Variants in SUMF1 observed in about 807,000 individuals in gnomAD.
SUMF1 encodes the protein sulfatase modifying factor 1, also known as formylglycine-generating enzyme.
A neutral mutation model predicts 47.6 loss-of-function variants in SUMF1; 48 were observed. The observed-to-expected ratio is 1.01, with a 90% CI of 0.80 to 1.28. The LOEUF is 1.28. SUMF1 is among the 50% of genes most tolerant of loss of function. SUMF1 has a pLI of 0.00. For missense variants in SUMF1, 571 were observed against 485.4 expected, an observed-to-expected ratio of 1.18 and a Z score of -1.66; for synonymous variants, 230 against 192.1, an observed-to-expected ratio of 1.20 and a Z score of -1.63.
chr3:4,279,933 A>C (rs959602516), intron 8 of SUMF1, among the ~76,000 whole-genome samples: 9 of 152,322 alleles, frequency 5.9e-5, no homozygotes, highest in Middle Eastern at 3.4e-3. Flanking sequence ...TTGGCTATAT[A>C]GTCAAGCTAA....
At chr3:4,366,690 T>A (rs948813792) in intron 8 of SUMF1, among the ~76,000 whole-genome samples, 1 of 152,242 alleles carries the variant, frequency 6.6e-6, no homozygotes, top group Non-Finnish European at 1.5e-5. Flanking sequence ...AGTAGTTCAA[T>A]CGTCTGAAGC....
chr3:4,195,106 T>C (rs527848521), intron 8 of SUMF1, among the ~76,000 whole-genome samples: 66 of 152,222 alleles, frequency 4.3e-4, no homozygotes, highest in African/African-American at 1.3e-3. Context: ...CTGTTCTCTA[T>C]AGCAAGGAAA....
rs764280676 is a variant in SUMF1 at position 4,392,593 on chromosome 3, ATG to A, written c.955-16206_955-16205del. ...TAAATGTTTATATGTTCAGATATAT[ATG>A]TGTGTGTGTGTGTGTGTGTGTATAT... On this transcript the variant is annotated intron_variant, in intron 7 of 8. Transcript: ENST00000272902. Among the ~76,000 whole-genome samples the A allele has an allele frequency of 1.6e-3, 221 of 140,870 alleles. 1 individual carries two copies. Among genetic ancestry groups the A allele is most frequent in the South Asian group, 0.011 (50 of 4,354 alleles). The allele number at this position is 140,870 out of a possible 152,430, so 92.4% of individuals were successfully genotyped here.
intron 8 of SUMF1, among the ~76,000 whole-genome samples, chr3:4,162,132 C>T (rs1385500817): frequency 1.3e-5 from 2 of 152,068 alleles, no homozygotes; most frequent in Non-Finnish European, 2.9e-5. Context: ...ATGGGGGCCT[C>T]ACAACTCTGT....
chr3:4,095,682 T>C (rs1404166496), intron 8 of SUMF1, among the ~76,000 whole-genome samples: 3 of 152,068 alleles, frequency 2.0e-5, no homozygotes, highest in Non-Finnish European at 4.4e-5. Flanking sequence ...TATTCCTGAC[T>C]GCCTGAAAGG....
At chr3:4,084,231 G>T (rs17039806) in intron 8 of SUMF1, among the ~76,000 whole-genome samples, 1 of 152,044 alleles carries the variant, frequency 6.6e-6, no homozygotes, top group East Asian at 1.9e-4. Flanking sequence ...TGCCAGTCAA[G>T]TCCAGGAAAA....
Position 4,380,937 on chromosome 3 carries a change from A to G in SUMF1, c.955-4548T>C, listed in dbSNP as rs149511961. The stretch of plus-strand genomic sequence containing the variant: ...TTTAAGGATGAGTTGAATCCACTGG[A>G]GATGCCACAGAACCACGTATCAGTG... On this transcript the variant is annotated intron_variant, in intron 7 of 8. Coordinates refer to ENST00000272902, the MANE Select transcript of SUMF1 (RefSeq NM_182760.4). Among the ~76,000 whole-genome samples the G allele has an allele frequency of 7.4e-4, 113 of 152,300 alleles. 2 individuals are homozygous for G. The East Asian group carries it at 0.021, about 29-fold the overall frequency.
chr3:4,386,820 T>C (rs1334480064), intron 7 of SUMF1, among the ~76,000 whole-genome samples: 3 of 152,062 alleles, frequency 2.0e-5, no homozygotes, highest in Admixed American at 6.5e-5. Flanking sequence ...AAATGAGTGT[T>C]GAAGTTTGTT....
intron 9 of SUMF1, among the ~76,000 whole-genome samples, chr3:4,043,566 T>C (rs996484466): frequency 6.6e-6 from 1 of 152,104 alleles, no homozygotes; most frequent in African/African-American, 2.4e-5. Flanking sequence ...GAATTTACCA[T>C]GGCTCTGGAC....
At chr3:4,213,185 G>C (rs751339800) in intron 8 of SUMF1, among the ~76,000 whole-genome samples, 9 of 152,254 alleles carry the variant, frequency 5.9e-5, no homozygotes, top group Admixed American at 2.6e-4. Context: ...ACACACAAAG[G>C]AGAGCCCATC....
chr3:4,042,982 C>G lies in SUMF1; in HGVS notation c.1191+25587G>C, dbSNP rs146410808. On this transcript the variant is annotated intron_variant and NMD_transcript_variant, in intron 9 of 12. Coordinates refer to the SUMF1 transcript ENST00000448413. ...AATCATTCACTGCCCTTCTCCACAT[C>G]ACAGGAGCTCCTGTCTCCTCTGACT... 1.1e-4 allele frequency among the ~76,000 whole-genome samples: 16 copies of G among 152,266 alleles called. No individual in the cohort carries two copies. The East Asian group carries it at 2.9e-3, about 28-fold the overall frequency.
At chr3:4,218,026 A>G (rs540592167) in intron 8 of SUMF1, among the ~76,000 whole-genome samples, 10 of 152,196 alleles carry the variant, frequency 6.6e-5, no homozygotes, top group Non-Finnish European at 1.3e-4. Flanking sequence ...CATAGTGGTC[A>G]CTTCTCGAAA....
intron 8 of SUMF1, among the ~76,000 whole-genome samples, chr3:4,221,343 T>C (rs923526474): frequency 5.3e-5 from 8 of 151,996 alleles, no homozygotes; most frequent in Non-Finnish European, 1.5e-5. Flanking sequence ...ATCTTAACAG[T>C]CATAATGTAG....
At chr3:4,150,923 A>C (rs896396399) in intron 8 of SUMF1, among the ~76,000 whole-genome samples, 1 of 151,334 alleles carries the variant, frequency 6.6e-6, no homozygotes, top group African/African-American at 2.5e-5. Flanking sequence ...TGTGCCCCAA[A>C]ACGGCCAGCA....
intron 8 of SUMF1, among the ~76,000 whole-genome samples, chr3:4,124,724 C>A (rs1157660865): frequency 6.6e-6 from 1 of 151,880 alleles, no homozygotes; most frequent in African/African-American, 2.4e-5. Flanking sequence ...AAACAAAAAT[C>A]TTGAGGTTCT....
At chr3:4,114,817 G>A (rs956653417) in intron 8 of SUMF1, among the ~76,000 whole-genome samples, 3 of 152,100 alleles carry the variant, frequency 2.0e-5, no homozygotes, top group Non-Finnish European at 2.9e-5. Flanking sequence ...TCACAAATGA[G>A]AACATCAACT....
chr3:4,368,892 T>C (rs2125199125), intron 8 of SUMF1, among the ~76,000 whole-genome samples: 1 of 152,286 alleles, frequency 6.6e-6, no homozygotes, highest in South Asian at 2.1e-4. Flanking sequence ...AGTCATCCTG[T>C]GTGCCATGAG....
intron 8 of SUMF1, among the ~76,000 whole-genome samples, chr3:4,281,664 T>G (rs1017935875): frequency 5.3e-5 from 8 of 152,000 alleles, no homozygotes; most frequent in African/African-American, 1.9e-4. Flanking sequence ...TTAGAATAAT[T>G]TACATATTAA....
intron 8 of SUMF1, among the ~76,000 whole-genome samples, chr3:4,207,121 AT>A (rs1477087150): frequency 6.6e-6 from 1 of 152,114 alleles, no homozygotes; most frequent in Non-Finnish European, 1.5e-5. Context: ...AGTAAATGAT[AT>A]TATCTTAATT....
Sources: gnomAD v4.1 joint callset for allele counts (sites outside exome capture counted in the v4.1 genomes callset) on GRCh38, gnomAD v4.1.1 for gene constraint, MANE v1.5 for transcripts, NCBI Gene and HGNC (gene_info 2026-07-23, HGNC 2026-07-21) for gene names.